The following SNX5 variants were observed in gnomAD, a reference collection of about 807,000 sequenced individuals.
SNX5 encodes sorting nexin 5.
In SNX5, 31 loss-of-function variants were observed where a neutral mutation model predicts 53.9. That is an observed-to-expected ratio of 0.58 (90% confidence interval 0.43 to 0.78). SNX5 has a LOEUF of 0.78. Among genes scored for constraint, SNX5 ranks in the 30% least tolerant of loss-of-function variants. SNX5 has a pLI of 0.00. For synonymous variants in SNX5, 168 were observed against 171.1 expected, an observed-to-expected ratio of 0.98 and a Z score of 0.14; for missense variants, 471 against 478.8, an observed-to-expected ratio of 0.98 and a Z score of 0.15.
intron 1 of SNX5, among the ~76,000 whole-genome samples, chr20:17,957,312 G>A (rs572825022): frequency 9.9e-5 from 15 of 152,048 alleles, no homozygotes; most frequent in Admixed American, 9.8e-4. Context: ...GCGGGCACCT[G>A]TAGTCCCAGC....
chr20:17,960,976 C>T (rs775863901), intron 1 of SNX5, among the ~76,000 whole-genome samples: 48 of 152,196 alleles, frequency 3.2e-4, no homozygotes, highest in Non-Finnish European at 5.9e-4. Context: ...CAGGTCAATC[C>T]TTACAATACG....
At position 17,947,514 on chromosome 20, in the gene SNX5, A is replaced by G; in HGVS notation, c.1050T>C (p.Phe350=). 1 of 1,613,746 alleles carries G rather than the reference A, an allele frequency of 6.2e-7. No individual in the cohort carries two copies. Residue 350 remains phenylalanine (F), a synonymous_variant, in exon 11 of 13, where the codon TTT becomes TTC. Coordinates refer to ENST00000377759, the MANE Select transcript of SNX5 (RefSeq NM_014426.4). The part of the protein sequence containing the change: ...EAHQQECCQK[F]EQLSESAKEE... ...CTTTTGCAGATTCGGAAAGTTGTTC[A>G]AATTTCTGGCAGCACTCCTGCTGGT... is the stretch of plus-strand genomic sequence containing the variant.
intron 11 of SNX5, 184 bp from the exon 12 acceptor site, chr20:17,943,379 GCTATCA>G: frequency 1.8e-6 from 1 of 567,278 alleles, no homozygotes; most frequent in East Asian, 3.0e-5. Context: ...TGGTGATACA[GCTATCA>G]CTGTCTTTAA....
intron 2 of SNX5, 47 bp downstream of exon 2, chr20:17,956,886 A>C (rs369338626): frequency 1.0e-6 from 1 of 963,198 alleles, no homozygotes; most frequent in African/African-American, 1.6e-5. Flanking sequence ...TGTGAATAAC[A>C]AGGCTGCAAC....
intron 1 of SNX5, among the ~76,000 whole-genome samples, chr20:17,957,242 T>C (rs899304273): frequency 2.6e-5 from 4 of 152,056 alleles, no homozygotes; most frequent in Admixed American, 2.6e-4. Context: ...GAGACCATCC[T>C]GGCTAACATG....
intron 1 of SNX5, among the ~76,000 whole-genome samples, chr20:17,965,830 TTCC>T (rs2035528110): frequency 1.3e-5 from 2 of 152,166 alleles, no homozygotes; most frequent in Admixed American, 1.3e-4. Context: ...TACGTCATAC[TTCC>T]TCAACTTAGA....
In SNX5 at chr20:17,952,683, A is replaced by C; in HGVS notation, c.417T>G (p.Thr139=). The C allele has an allele frequency of 1.2e-6, 2 of 1,614,056 alleles. No homozygotes were observed. The highest frequency in any genetic ancestry group is 1.7e-6 in the Non-Finnish European group (2 of 1,179,968). Residue 139 remains threonine (T), a synonymous_variant, in exon 5 of 13, where the codon ACT becomes ACG. Transcript: ENST00000377759. ...GAAGAAAGACTTCATGGGAGGACAC[A>C]GTCTTCTTAAACACAGCGAGATACT... ...EAEYLAVFKK[T]VSSHEVFLQR...
At chr20:17,956,688 A>C (rs1352687485) in intron 2 of SNX5, among the ~76,000 whole-genome samples, 6 of 143,814 alleles carry the variant, frequency 4.2e-5, no homozygotes, top group South Asian at 2.2e-4. Context: ...AAAAAAAAAA[A>C]AAAAAAAAAA....
rs184525214 is a variant in SNX5, at chr20:17,943,539, C to G, written c.1079-344G>C. 265 of 198,888 alleles carry G rather than the reference C, an allele frequency of 1.3e-3. 2 individuals carry two copies. The highest frequency in any genetic ancestry group is 9.5e-4 in the Non-Finnish European group (93 of 98,388). The allele number at this position is 198,888 out of a possible 1,614,324, so 12.3% of individuals were successfully genotyped here. A position where few individuals can be genotyped will look rare whatever the true frequency, so the allele number is the denominator to read the frequency against. On this transcript the variant is annotated intron_variant, in intron 11 of 12. Coordinates refer to ENST00000377759, the MANE Select transcript of SNX5 (RefSeq NM_014426.4). ...GGGCTGGAGTATGGGTGGTGGTGAGCCACATACTTCACCAATGGCTTGTGA... is the reference window on the plus strand; with the variant it reads ...GGGCTGGAGTATGGGTGGTGGTGAGGCACATACTTCACCAATGGCTTGTGA...
intron 10 of SNX5, 34 bp downstream of exon 10, chr20:17,948,856 A>G (rs1039783357): frequency 6.5e-7 from 1 of 1,539,840 alleles, no homozygotes; most frequent in Non-Finnish European, 9.0e-7. Context: ...CTGGTCCTGC[A>G]CTGCTCTGAG....
intron 4 of SNX5, 21 bp from the exon 5 acceptor site, chr20:17,952,731 G>A (rs762516214): frequency 5.6e-6 from 9 of 1,610,820 alleles, no homozygotes; most frequent in Middle Eastern, 1.7e-4. Flanking sequence ...ATGTGCACAT[G>A]GCATTCAGTT....
At chr20:17,946,699 A>T (rs1458720962) in intron 11 of SNX5, among the ~76,000 whole-genome samples, 1 of 152,264 alleles carries the variant, frequency 6.6e-6, no homozygotes, top group Non-Finnish European at 1.5e-5. Context: ...GGTTTAGGCA[A>T]GAATCATTAA....
intron 1 of SNX5, chr20:17,962,324 C>T: frequency 5.3e-6 from 1 of 189,000 alleles, no homozygotes; most frequent in Non-Finnish European, 1.1e-5. Context: ...CCTGCCTCAG[C>T]CTCCTGAGTA....
intron 1 of SNX5, among the ~76,000 whole-genome samples, chr20:17,963,616 TCA>T (rs1159808745): frequency 3.4e-4 from 52 of 152,298 alleles, no homozygotes; most frequent in African/African-American, 1.2e-3. Flanking sequence ...TAGCAGGGTC[TCA>T]CTCTGTTGCC....
At chr20:17,963,314 A>C (rs2122421833) in intron 1 of SNX5, among the ~76,000 whole-genome samples, 1 of 152,198 alleles carries the variant, frequency 6.6e-6, no homozygotes, top group Admixed American at 6.5e-5. Flanking sequence ...GCCTTAAAAA[A>C]AATCACCTAG....
At chr20:17,956,705 CAA>C (rs1192544376) in intron 2 of SNX5, among the ~76,000 whole-genome samples, 8 of 80,394 alleles carry the variant, frequency 1.0e-4, no homozygotes, top group South Asian at 3.9e-4. Flanking sequence ...AAAAAAAAAA[CAA>C]AAAAACAATG....
chr20:17,953,594 C>T (rs1051058401), intron 4 of SNX5, among the ~76,000 whole-genome samples: 3 of 149,288 alleles, frequency 2.0e-5, no homozygotes, highest in African/African-American at 7.8e-5. Flanking sequence ...GCCGGGGCAA[C>T]ACATGACGAA....
Position 17,952,854 on chromosome 20 carries a change from G to A in SNX5, c.390-144C>T, listed in dbSNP as rs113770744. The A allele has an allele frequency of 2.9e-3, 2,793 of 958,044 alleles. 13 individuals are homozygous for A. The highest frequency in any genetic ancestry group is 0.019 in the African/African-American group (1,132 of 60,480). The allele number at this position is 958,044 out of a possible 1,614,324, so 59.3% of individuals were successfully genotyped here. On this transcript the variant is annotated intron_variant, in intron 4 of 12. Transcript: ENST00000377759. ...AAACAGTATTTCAGTATAAACTGGT[G>A]TCTAGTTAGATACTAAGGCAGTTGC...
At position 17,952,623 on chromosome 20, in the gene SNX5, A is replaced by G; in HGVS notation, c.477T>C (p.Asp159=). ...ATTCCAGGAAAACATGAAAGTTGCG[A>G]TCTTTACTGAGAACAGGGTGAGAAG... ...RLSSHPVLSK[D]RNFHVFLEYD... The change falls in exon 5 of 13, where the codon GAT becomes GAC. Residue 159 remains aspartate, a synonymous_variant. Coordinates refer to ENST00000377759, the MANE Select transcript of SNX5 (RefSeq NM_014426.4). 1 of 1,614,098 alleles carries G rather than the reference A, an allele frequency of 6.2e-7. No homozygotes were observed. The highest frequency in any genetic ancestry group is 8.5e-7 in the Non-Finnish European group (1 of 1,179,992).
Sources: allele counts gnomAD v4.1 joint callset (sites outside exome capture counted in the v4.1 genomes callset), GRCh38; gene constraint gnomAD v4.1.1; transcripts MANE v1.5; gene names NCBI Gene and HGNC (gene_info 2026-07-23, HGNC 2026-07-21).